GARRE1: variants seen among roughly 807,000 people sequenced by gnomAD.
GARRE1 encodes the protein granule associated Rac and RHOG effector protein 1.
A neutral mutation model predicts 103.2 loss-of-function variants in GARRE1; 49 were observed. That is an observed-to-expected ratio of 0.47 (90% CI 0.38 to 0.60). The LOEUF (loss-of-function observed/expected upper bound fraction) is 0.60, where lower values mean the gene tolerates loss of function less well. Among genes scored for constraint, GARRE1 ranks in the 20% least tolerant of loss-of-function variants. GARRE1 has a pLI of 0.00. For missense variants in GARRE1, 1,199 were observed against 1,370.5 expected (o/e 0.87, Z 1.98); for synonymous variants, 505 against 532.8 (o/e 0.95, Z 0.72).
In GARRE1 at chr19:34,325,302, G is replaced by A. The variant is rs1005289400; in HGVS notation, c.706-2119G>A. Among the ~76,000 whole-genome samples the A allele has an allele frequency of 8.5e-5, 13 of 152,138 alleles. 1 individual carries two copies. The highest frequency in any genetic ancestry group is 5.2e-4 in the Admixed American group (8 of 15,268). On this transcript the variant is annotated intron_variant, in intron 3 of 13. Transcript: ENST00000299505. ...CTGTGTCCTTGGAGGGGGCTCAAATGTGTGTGATCAGTGAGCAGCCCACTT... is the reference window on the plus strand; with the variant it reads ...CTGTGTCCTTGGAGGGGGCTCAAATATGTGTGATCAGTGAGCAGCCCACTT...
At chr19:34,344,227 C>T (rs2074199780) in intron 10 of GARRE1, among the ~76,000 whole-genome samples, 1 of 152,174 alleles carries the variant, frequency 6.6e-6, no homozygotes, top group African/African-American at 2.4e-5. Flanking sequence ...GTATTTCATT[C>T]ACAGGGGAGT....
At chr19:34,282,480 ACTGT>A (rs1023986808) in intron 1 of GARRE1, among the ~76,000 whole-genome samples, 12 of 152,078 alleles carry the variant, frequency 7.9e-5, no homozygotes, top group Non-Finnish European at 1.5e-4. Flanking sequence ...TCTTTCCAAC[ACTGT>A]CTGAGGAATA....
chr19:34,279,636 G>A lies in GARRE1; in HGVS notation c.-795-20043G>A, dbSNP rs529374438. Among the ~76,000 whole-genome samples the A allele has an allele frequency of 3.3e-5, 5 of 152,220 alleles. No individual in the cohort carries two copies. In the East Asian group the frequency reaches 7.7e-4, roughly 23 times the overall value. On this transcript the variant is annotated intron_variant, in intron 1 of 13. Transcript: ENST00000299505. ...AGTTATATTATTCCCTAGTTGTACT[G>A]TCTGTTCTTGCCTTACTGTAAAGAA...
At chr19:34,269,415 C>G (rs1262770964) in intron 1 of GARRE1, among the ~76,000 whole-genome samples, 6 of 152,162 alleles carry the variant, frequency 3.9e-5, no homozygotes, top group African/African-American at 1.4e-4. Flanking sequence ...GATTCTGGCA[C>G]TGATTAGAAT....
intron 1 of GARRE1, among the ~76,000 whole-genome samples, chr19:34,260,389 G>A (rs934882056): frequency 6.6e-6 from 1 of 152,096 alleles, no homozygotes; most frequent in African/African-American, 2.4e-5. Flanking sequence ...GCTTCATTGC[G>A]ATATTCACTT....
At chr19:34,347,589 AC>A (rs1212855970) in intron 10 of GARRE1, among the ~76,000 whole-genome samples, 1 of 152,158 alleles carries the variant, frequency 6.6e-6, no homozygotes, top group Admixed American at 6.5e-5. Flanking sequence ...GGGAAATCAA[AC>A]CATTTTTCTC....
chr19:34,291,477 T>G (rs1227012942), intron 1 of GARRE1, among the ~76,000 whole-genome samples: 2 of 152,226 alleles, frequency 1.3e-5, no homozygotes, highest in African/African-American at 2.4e-5. Context: ...ATTTGGCTCA[T>G]GGTTCTGGGA....
chr19:34,271,418 T>G (rs1037387547), intron 1 of GARRE1, among the ~76,000 whole-genome samples: 4 of 151,922 alleles, frequency 2.6e-5, no homozygotes, highest in Non-Finnish European at 5.9e-5. Flanking sequence ...CCAACTAACT[T>G]TTTGTATTTT....
At chr19:34,304,495 C>A (rs1398998066) in intron 2 of GARRE1, among the ~76,000 whole-genome samples, 3 of 151,492 alleles carry the variant, frequency 2.0e-5, no homozygotes, top group African/African-American at 7.3e-5. Flanking sequence ...TGTGCCTCAG[C>A]CTCCCAAGTA....
In GARRE1 at chr19:34,300,803, C is replaced by T; in HGVS notation, c.330C>T (p.Tyr110=). 6.2e-7 allele frequency: 1 copy of T among 1,614,248 alleles called. No individual in the cohort carries two copies. The highest frequency in any genetic ancestry group is 8.5e-7 in the Non-Finnish European group (1 of 1,180,040). ...LFSTVFRNSH[Y]SKAATQLKDV... ...GCACTGTGTTCAGGAACTCTCACTA[C>T]TCAAAGGCAGCCACACAGCTCAAAG... is the stretch of plus-strand genomic sequence containing the variant. The change falls in exon 2 of 14, where the codon TAC becomes TAT. Residue 110 remains tyrosine (Y), a synonymous_variant. Coordinates refer to ENST00000299505, the MANE Select transcript of GARRE1 (RefSeq NM_014686.5).
At chr19:34,295,977 G>A (rs1420974968) in intron 1 of GARRE1, among the ~76,000 whole-genome samples, 1 of 152,146 alleles carries the variant, frequency 6.6e-6, no homozygotes, top group Non-Finnish European at 1.5e-5. Context: ...GACTGTAGAT[G>A]TATGGGTTTA....
chr19:34,353,367 TCCTC>T lies in GARRE1; in HGVS notation c.*418_*421del, dbSNP rs2074251184. The T allele has an allele frequency of 5.0e-6, 1 of 200,220 alleles. No homozygotes were observed. The highest frequency in any genetic ancestry group is 1.0e-5 in the Non-Finnish European group (1 of 99,268). 12.4% of individuals were successfully genotyped at this position (200,220 alleles called of 1,614,324 possible). A position where few individuals can be genotyped will look rare whatever the true frequency, so the allele number is the denominator to read the frequency against. On this transcript the variant is annotated 3_prime_UTR_variant, in exon 14 of 14. Coordinates refer to ENST00000299505, the MANE Select transcript of GARRE1 (RefSeq NM_014686.5). ...AACTGACCATTTTTTGGAAACCCTC[TCCTC>T]CCTCCTCCACACCTTGAGTGATGAC...
At chr19:34,279,336 T>A (rs2073836972) in intron 1 of GARRE1, among the ~76,000 whole-genome samples, 1 of 152,160 alleles carries the variant, frequency 6.6e-6, no homozygotes, top group Non-Finnish European at 1.5e-5. Flanking sequence ...TGTCTCGCTC[T>A]CCGTCCCAGG....
In GARRE1 at chr19:34,354,049, T is replaced by G. The variant is rs1331671036; in HGVS notation, c.*1094T>G. On this transcript the variant is annotated 3_prime_UTR_variant, in exon 14 of 14. Transcript: ENST00000299505. ...ATTGAATGGTGCTTAAATTGAGAAA[T>G]AATAATAAATATATCTATATAGAAT... The G allele has an allele frequency of 6.6e-6, 1 of 152,576 alleles. No homozygotes were observed. Among genetic ancestry groups the G allele is most frequent in the East Asian group, 1.9e-4 (1 of 5,196 alleles). 9.5% of individuals were successfully genotyped at this position (152,576 alleles called of 1,614,324 possible). A position where few individuals can be genotyped will look rare whatever the true frequency, so the allele number is the denominator to read the frequency against.
At chr19:34,271,407 C>G (rs940389649) in intron 1 of GARRE1, among the ~76,000 whole-genome samples, 10 of 152,026 alleles carry the variant, frequency 6.6e-5, no homozygotes, top group African/African-American at 1.9e-4. Context: ...TGCCACCACA[C>G]CCAACTAACT....
intron 3 of GARRE1, among the ~76,000 whole-genome samples, chr19:34,322,074 C>G (rs976872746): frequency 6.6e-6 from 1 of 152,196 alleles, no homozygotes; most frequent in Non-Finnish European, 1.5e-5. Context: ...GTGGCATTCT[C>G]TATTCCTTTT....
intron 1 of GARRE1, chr19:34,285,379 TG>T (rs1205984467): frequency 6.6e-6 from 1 of 152,114 alleles, no homozygotes; most frequent in African/African-American, 2.4e-5. Flanking sequence ...CCCAACACTT[TG>T]GGAGGCTGAG....
At chr19:34,309,698 C>G (rs371838731) in intron 2 of GARRE1, among the ~76,000 whole-genome samples, 15 of 152,088 alleles carry the variant, frequency 9.9e-5, no homozygotes, top group East Asian at 5.8e-4. Flanking sequence ...CTTTTGTGTA[C>G]GTTTGGACCT....
chr19:34,273,780 A>G (rs1434357762), intron 1 of GARRE1, among the ~76,000 whole-genome samples: 1 of 152,218 alleles, frequency 6.6e-6, no homozygotes, highest in African/African-American at 2.4e-5. Context: ...TAGACATCCA[A>G]GAGGAATGAG....
Sources: allele counts gnomAD v4.1 joint callset (sites outside exome capture counted in the v4.1 genomes callset), GRCh38; gene constraint gnomAD v4.1.1; transcripts MANE v1.5; gene names NCBI Gene and HGNC (gene_info 2026-07-23, HGNC 2026-07-21).